Variants in FRMD4A observed in about 807,000 individuals in gnomAD.
FRMD4A encodes FERM domain containing 4A.
A neutral mutation model predicts 129.1 loss-of-function variants in FRMD4A; 29 were observed. That is an observed-to-expected ratio of 0.22 (90% CI 0.17 to 0.31). The LOEUF (loss-of-function observed/expected upper bound fraction) is 0.31. Among genes scored for constraint, FRMD4A ranks in the 10% least tolerant of loss-of-function variants. The pLI, the probability that FRMD4A is intolerant of heterozygous loss-of-function variation, is 1.00. For synonymous variants in FRMD4A, 634 were observed against 571.6 expected, an observed-to-expected ratio of 1.11 and a Z score of -1.56; for missense variants, 1,272 against 1,375.8, an observed-to-expected ratio of 0.92 and a Z score of 1.19.
At chr10:13,721,823 A>G (rs1163569238) in intron 12 of FRMD4A, among the ~76,000 whole-genome samples, 4 of 152,270 alleles carry the variant, frequency 2.6e-5, no homozygotes, top group African/African-American at 9.6e-5. Flanking sequence ...AACCTTAAAC[A>G]TAAACTCAAT....
intron 2 of FRMD4A, among the ~76,000 whole-genome samples, chr10:14,285,522 C>G (rs374662301): frequency 1.3e-5 from 2 of 152,344 alleles, no homozygotes; most frequent in South Asian, 2.1e-4. Flanking sequence ...ATCCTAATAT[C>G]CCTTGTTGCT....
chr10:14,056,101 G>A (rs1834516347), intron 2 of FRMD4A, among the ~76,000 whole-genome samples: 1 of 152,084 alleles, frequency 6.6e-6, no homozygotes, highest in Non-Finnish European at 1.5e-5. Flanking sequence ...ACACAATCTT[G>A]ACTTACTGCA....
chr10:14,268,706 G>A lies in FRMD4A; in HGVS notation c.45+61352C>T, dbSNP rs1359854048. Among the ~76,000 whole-genome samples the A allele has an allele frequency of 2.0e-5, 3 of 152,248 alleles. No homozygotes were observed. In the South Asian group the frequency reaches 6.2e-4, roughly 32 times the overall value. ...GTCCCTATGGAAACACGAAGCTTGG[G>A]GACTCTTTATCTGCAATTCATGTGT... On this transcript the variant is annotated intron_variant, in intron 2 of 24. Transcript: ENST00000357447.
intron 2 of FRMD4A, among the ~76,000 whole-genome samples, chr10:14,222,164 G>A (rs776398532): frequency 6.6e-6 from 1 of 152,190 alleles, no homozygotes; most frequent in African/African-American, 2.4e-5. Context: ...AATCTGGCAT[G>A]GAAAAATACA....
chr10:14,275,039 A>G (rs1005448038), intron 2 of FRMD4A, among the ~76,000 whole-genome samples: 1 of 152,192 alleles, frequency 6.6e-6, no homozygotes, highest in Non-Finnish European at 1.5e-5. Context: ...CCTGTTTGCA[A>G]CAGTCTCTGG....
At chr10:13,782,654 G>T (rs2092766192) in intron 6 of FRMD4A, among the ~76,000 whole-genome samples, 1 of 152,178 alleles carries the variant, frequency 6.6e-6, no homozygotes, top group Admixed American at 6.5e-5. Context: ...ACGTTGGCCA[G>T]GATAATCTCA....
chr10:14,107,574 G>T (rs1406832080), intron 2 of FRMD4A, among the ~76,000 whole-genome samples: 1 of 152,092 alleles, frequency 6.6e-6, no homozygotes, highest in Non-Finnish European at 1.5e-5. Flanking sequence ...CATTCACTTT[G>T]CTGCATCATT....
chr10:14,297,188 C>T (rs1846037882), intron 2 of FRMD4A, among the ~76,000 whole-genome samples: 1 of 151,712 alleles, frequency 6.6e-6, no homozygotes, highest in Non-Finnish European at 1.5e-5. Flanking sequence ...AAGAACATGC[C>T]TATCACTCAG....
At chr10:13,939,146 G>A (rs1415299231) in intron 2 of FRMD4A, among the ~76,000 whole-genome samples, 1 of 152,184 alleles carries the variant, frequency 6.6e-6, no homozygotes, top group East Asian at 1.9e-4. Context: ...CAGCTGCAGG[G>A]AATTCAACGC....
intron 5 of FRMD4A, among the ~76,000 whole-genome samples, chr10:13,787,143 GAA>G (rs200162557): frequency 1.3e-5 from 2 of 151,902 alleles, no homozygotes; most frequent in Non-Finnish European, 2.9e-5. Flanking sequence ...GAGATGAAGA[GAA>G]AAAAAATCAC....
At chr10:14,149,852 G>C (rs551317819) in intron 2 of FRMD4A, among the ~76,000 whole-genome samples, 12 of 152,282 alleles carry the variant, frequency 7.9e-5, no homozygotes, top group African/African-American at 2.6e-4. Context: ...TGTAGGTCCT[G>C]TTTTAGTCCA....
At chr10:13,756,584 C>T (rs777723473) in intron 8 of FRMD4A, among the ~76,000 whole-genome samples, 1 of 152,130 alleles carries the variant, frequency 6.6e-6, no homozygotes, top group Admixed American at 6.6e-5. Flanking sequence ...TGGCTGGTCT[C>T]GAACTCCTGG....
At chr10:13,897,665 A>T (rs77262962) in intron 2 of FRMD4A, among the ~76,000 whole-genome samples, 1 of 152,250 alleles carries the variant, frequency 6.6e-6, no homozygotes, top group African/African-American at 2.4e-5. Context: ...TTATAGGTAC[A>T]GTGGCTCAAG....
intron 6 of FRMD4A, among the ~76,000 whole-genome samples, chr10:13,766,699 G>T (rs1299719921): frequency 6.6e-6 from 1 of 152,096 alleles, no homozygotes; most frequent in Non-Finnish European, 1.5e-5. Flanking sequence ...CCTTCCAGGT[G>T]GCTTTATCCT....
At chr10:14,022,562 C>CAA (rs201603418) in intron 2 of FRMD4A, among the ~76,000 whole-genome samples, 2,314 of 152,194 alleles carry the variant, frequency 0.015, 60 homozygotes, top group African/African-American at 0.053. Context: ...AGCAGGGGCA[C>CAA]AAATGTTGCT....
At chr10:14,015,233 TTCCCTCCC>T (rs577584786) in intron 2 of FRMD4A, among the ~76,000 whole-genome samples, 5 of 74,010 alleles carry the variant, frequency 6.8e-5, no homozygotes, top group African/African-American at 2.3e-4. Context: ...TTCTCCTTCC[TTCCCTCCC>T]TCCCTCCCTC....
chr10:13,698,902 T>C (rs2086501444), intron 14 of FRMD4A, among the ~76,000 whole-genome samples: 1 of 152,134 alleles, frequency 6.6e-6, no homozygotes, highest in Non-Finnish European at 1.5e-5. Context: ...TCCTGGGAAA[T>C]GTTCTCCTTC....
intron 2 of FRMD4A, among the ~76,000 whole-genome samples, chr10:14,024,241 A>G (rs1476428514): frequency 6.6e-6 from 1 of 152,248 alleles, no homozygotes; most frequent in Non-Finnish European, 1.5e-5. Context: ...GGACTTGGGA[A>G]CTGCACAGTT....
chr10:14,296,536 G>A (rs549837234), intron 2 of FRMD4A, among the ~76,000 whole-genome samples: 2 of 152,150 alleles, frequency 1.3e-5, no homozygotes, highest in African/African-American at 2.4e-5. Flanking sequence ...TGCAGTGTCT[G>A]CAACACTCAG....
Sources: gnomAD v4.1 joint callset for allele counts (sites outside exome capture counted in the v4.1 genomes callset) on GRCh38, gnomAD v4.1.1 for gene constraint, MANE v1.5 for transcripts, NCBI Gene and HGNC (gene_info 2026-07-23, HGNC 2026-07-21) for gene names.